The following BAIAP2 variants were observed in gnomAD, a reference collection of about 807,000 sequenced individuals.
The protein encoded by BAIAP2 is BAR/IMD domain-containing adapter protein 2.
A neutral mutation model predicts 63.0 loss-of-function variants in BAIAP2; 18 were observed. The ratio of observed to expected loss-of-function variants is 0.29; its 90% CI spans 0.20 to 0.42. The LOEUF (loss-of-function observed/expected upper bound fraction) is 0.42. BAIAP2 is among the 10% of genes least tolerant of loss of function. The pLI is 1.00. For missense variants in BAIAP2, 610 were observed against 734.3 expected (o/e 0.83, Z 1.96); for synonymous variants, 386 against 307.6 (o/e 1.25, Z -2.67).
At chr17:81,063,425 C>T (rs1013039419) in intron 3 of BAIAP2, among the ~76,000 whole-genome samples, 17 of 152,232 alleles carry the variant, frequency 1.1e-4, no homozygotes, top group African/African-American at 3.1e-4. Flanking sequence ...CTGTCCTCCT[C>T]GGTGAGCAGT....
At chr17:81,044,379 G>T (rs2047503666) in intron 1 of BAIAP2, among the ~76,000 whole-genome samples, 3 of 152,244 alleles carry the variant, frequency 2.0e-5, no homozygotes. Flanking sequence ...GACCAACACG[G>T]CGCCACAGAC....
intron 6 of BAIAP2, chr17:81,086,809 C>T: frequency 1.9e-6 from 1 of 538,994 alleles, no homozygotes. Context: ...CTCCCAGGGT[C>T]ACTGAAAGGT....
chr17:81,093,760 T>C (rs1285448691), intron 6 of BAIAP2, among the ~76,000 whole-genome samples: 1 of 152,114 alleles, frequency 6.6e-6, no homozygotes, highest in African/African-American at 2.4e-5. Flanking sequence ...GCGTGCTATT[T>C]AAAGGGTGTA....
In BAIAP2 at chr17:81,095,893, A is replaced by G. The variant is rs962550557; in HGVS notation, c.490-4035A>G. Among the ~76,000 whole-genome samples the G allele has an allele frequency of 3.3e-5, 5 of 152,100 alleles. No individual in the cohort carries two copies. The South Asian group carries it at 1.0e-3, about 32-fold the overall frequency. On this transcript the variant is annotated intron_variant, in intron 6 of 13. Transcript: ENST00000428708. Reference sequence around the variant, plus strand: ...GCCAGGGAGGCTGCCGTACCCTGCTAATGAGGCCAGTACCCCTCGCTGTAC... The same window carrying G: ...GCCAGGGAGGCTGCCGTACCCTGCTGATGAGGCCAGTACCCCTCGCTGTAC...
Position 81,116,113 on chromosome 17 carries a change from A to G in BAIAP2, c.*274A>G, listed in dbSNP as rs910741447. 73 of 1,560,640 alleles carry G rather than the reference A, an allele frequency of 4.7e-5. No homozygotes were observed. The highest frequency in any genetic ancestry group is 1.4e-4 in the East Asian group (6 of 44,192). ...GGTACACGCCTCTGGTCACATGGCC[A>G]TGGAGCCTTGGGTACCCCTGAGTTA... is the stretch of plus-strand genomic sequence containing the variant. On this transcript the variant is annotated 3_prime_UTR_variant, in exon 14 of 14. Transcript: ENST00000428708.
intron 1 of BAIAP2, among the ~76,000 whole-genome samples, chr17:81,037,945 C>T (rs1461656223): frequency 6.6e-6 from 1 of 152,268 alleles, no homozygotes; most frequent in South Asian, 2.1e-4. Flanking sequence ...GGCTCCATTC[C>T]CTTGGGAGCT....
chr17:81,077,577 A>G (rs2053864842), intron 3 of BAIAP2, among the ~76,000 whole-genome samples: 1 of 136,476 alleles, frequency 7.3e-6, no homozygotes, highest in Non-Finnish European at 1.6e-5. Context: ...AAAAAAAAAA[A>G]GTAAAAATGG....
chr17:81,109,309 A>G (rs2059590364), intron 13 of BAIAP2: 4 of 1,173,052 alleles, frequency 3.4e-6, no homozygotes. Context: ...TGTCTGTGGC[A>G]CTCACTGCTT....
At chr17:81,061,854 C>T (rs1015815090) in intron 3 of BAIAP2, among the ~76,000 whole-genome samples, 1 of 152,138 alleles carries the variant, frequency 6.6e-6, no homozygotes, top group Admixed American at 6.5e-5. Context: ...TACGAGAGTC[C>T]TCTGTATACT....
chr17:81,085,763 C>T (rs1244107999), intron 5 of BAIAP2, 38 bp downstream of exon 5: 1 of 1,553,858 alleles, frequency 6.4e-7, no homozygotes, highest in South Asian at 1.1e-5. Flanking sequence ...GGCCCTGTGC[C>T]TGGGCTCCGG....
chr17:81,038,422 C>T (rs757726742), intron 1 of BAIAP2, among the ~76,000 whole-genome samples: 6 of 152,356 alleles, frequency 3.9e-5, no homozygotes, highest in African/African-American at 1.2e-4. Flanking sequence ...GGGCATAGTG[C>T]CATTGGCCCA....
rs991129929 is a variant in BAIAP2, at chr17:81,117,159, T to G, written c.*1320T>G. 2.0e-5 allele frequency: 3 copies of G among 150,888 alleles called. No individual in the cohort carries two copies. The highest frequency in any genetic ancestry group is 4.4e-5 in the Non-Finnish European group (3 of 67,902). 9.3% of individuals were successfully genotyped at this position (150,888 alleles called of 1,614,324 possible). A position where few individuals can be genotyped will look rare whatever the true frequency, so the allele number is the denominator to read the frequency against. ...GAACACCATCCCCTCCACCGGGGTG[T>G]GCCGAGGACAGTGGGGAGGAGAGGA... is the stretch of plus-strand genomic sequence containing the variant. On this transcript the variant is annotated 3_prime_UTR_variant, in exon 14 of 14. Transcript: ENST00000428708.
intron 13 of BAIAP2, among the ~76,000 whole-genome samples, chr17:81,112,629 G>A (rs186864964): frequency 8.6e-4 from 131 of 152,358 alleles, no homozygotes; most frequent in African/African-American, 3.0e-3. Flanking sequence ...AACAGCTGAC[G>A]CGAGAAGACA....
Position 81,100,062 on chromosome 17 carries a change from C to G in BAIAP2, c.624C>G (p.Ser208=). The change falls in exon 7 of 14, where the codon TCC becomes TCG. Residue 208 remains serine, a synonymous_variant. Coordinates refer to ENST00000428708, the MANE Select transcript of BAIAP2 (RefSeq NM_001144888.2). ...VEKQCAVAKN[S]AAYHSKGKEL... ...AGCAGTGCGCCGTGGCCAAGAACTCCGCGGCCTACCACTCCAAGGTGAGGC... is the reference window on the plus strand; with the variant it reads ...AGCAGTGCGCCGTGGCCAAGAACTCGGCGGCCTACCACTCCAAGGTGAGGC... The G allele has an allele frequency of 6.2e-7, 1 of 1,611,188 alleles. No homozygotes were observed. Among genetic ancestry groups the G allele is most frequent in the Non-Finnish European group, 8.5e-7 (1 of 1,179,508 alleles).
At chr17:81,085,209 C>T (rs1174380815) in intron 4 of BAIAP2, 6 of 514,026 alleles carry the variant, frequency 1.2e-5, no homozygotes, top group African/African-American at 5.8e-5. Flanking sequence ...GCACACTTCC[C>T]CTGGCCTCTC....
chr17:81,057,984 C>G lies in BAIAP2; in HGVS notation c.217+17C>G, dbSNP rs926784253. ...AAGAACTCGGTGAGACCCCCCCCCC[C>G]CCCCCGCCTGGTAGTCGCCTGATGC... On this transcript the variant is annotated intron_variant, in intron 3 of 13. Coordinates refer to ENST00000428708, the MANE Select transcript of BAIAP2 (RefSeq NM_001144888.2). 9.0e-5 allele frequency: 110 copies of G among 1,216,058 alleles called. 11 individuals carry two copies. Among genetic ancestry groups the G allele is most frequent in the Admixed American group, 3.6e-4 (14 of 39,176 alleles). The allele number at this position is 1,216,058 out of a possible 1,614,324, so 75.3% of individuals were successfully genotyped here.
chr17:81,108,928 G>A (rs748578223), intron 13 of BAIAP2: 44 of 1,539,422 alleles, frequency 2.9e-5, no homozygotes, highest in Non-Finnish European at 3.5e-5. Context: ...GCTGGGCAGC[G>A]TCGTGCAGCC....
intron 11 of BAIAP2, 93 bp downstream of exon 11, chr17:81,106,239 GCTTCCGGCTC>G (rs2059168761): frequency 1.5e-6 from 2 of 1,330,318 alleles, no homozygotes; most frequent in Admixed American, 2.1e-5. Flanking sequence ...GCTCGGCTGG[GCTTCCGGCTC>G]CTTGTCTGCT....
In BAIAP2 at chr17:81,106,754, A is replaced by G. The variant is rs115733273; in HGVS notation, c.1347A>G (p.Gln449=). 3,370 of 1,612,610 alleles carry G rather than the reference A, an allele frequency of 2.1e-3. 67 individuals carry two copies. The African/African-American group carries it at 0.039, about 19-fold the overall frequency. Residue 449 remains glutamine (Q), a synonymous_variant, in exon 12 of 14, where the codon CAA becomes CAG. Coordinates refer to ENST00000428708, the MANE Select transcript of BAIAP2 (RefSeq NM_001144888.2). ...GSDRLHMSLQ[Q]GKSSSTGNLL... is the part of the protein sequence containing the mutation. The stretch of plus-strand genomic sequence containing the variant: ...GTCCCTGTCCCTACAGCCTGCAGCA[A>G]GGGAAGAGCAGCAGCACGGGCAACC...
Sources: allele counts gnomAD v4.1 joint callset (sites outside exome capture counted in the v4.1 genomes callset), GRCh38; gene constraint gnomAD v4.1.1; transcripts MANE v1.5; gene names NCBI Gene and HGNC (gene_info 2026-07-23, HGNC 2026-07-21).